The following NOG variants were observed in gnomAD, a reference collection of about 807,000 sequenced individuals.
The protein encoded by NOG is noggin.
Under a neutral mutation model 17.9 loss-of-function variants are expected in NOG, and 2 were observed. The observed-to-expected ratio is 0.11, with a 90% CI of 0.05 to 0.35. NOG has a LOEUF of 0.35. Among genes scored for constraint, NOG ranks in the 10% least tolerant of loss-of-function variants. NOG has a pLI of 1.00. For synonymous variants in NOG, 166 were observed against 148.7 expected (o/e 1.12, Z -0.85); for missense variants, 266 against 318.6 (o/e 0.83, Z 1.26).
In NOG at chr17:56,594,607, C is replaced by T. The variant is rs562364308; in HGVS notation, c.384C>T (p.Gly128=). ...SEIKGLEFSE[G]LAQGKKQRLS... ...TCAAAGGGCTAGAGTTCTCCGAGGG[C>T]TTGGCCCAGGGCAAGAAGCAGCGCC... is the stretch of plus-strand genomic sequence containing the variant. The change falls in exon 1 of 1, where the codon GGC becomes GGT. Residue 128 remains glycine, a synonymous_variant. Coordinates refer to ENST00000332822, the MANE Select transcript of NOG (RefSeq NM_005450.6). 24 of 1,612,634 alleles carry T rather than the reference C, an allele frequency of 1.5e-5. No homozygotes were observed. The highest frequency in any genetic ancestry group is 2.0e-5 in the Non-Finnish European group (23 of 1,179,372).
rs1189179843 is a variant in NOG, at chr17:56,595,396, G to A, written c.*474G>A. 6.0e-6 allele frequency: 1 copy of A among 167,582 alleles called. No homozygotes were observed. Among genetic ancestry groups the A allele is most frequent in the Non-Finnish European group, 1.5e-5 (1 of 68,476 alleles). 10.4% of individuals were successfully genotyped at this position (167,582 alleles called of 1,614,324 possible). A position where few individuals can be genotyped will look rare whatever the true frequency, so the allele number is the denominator to read the frequency against. On this transcript the variant is annotated 3_prime_UTR_variant, in exon 1 of 1. Transcript: ENST00000332822. ...AACTTTTGTAGAGGACTTTTTAAAA[G>A]CTATTTTCCATTCTTCGGAAAGTGT...
chr17:56,594,813 C>T lies in NOG; in HGVS notation c.590C>T (p.Ser197Phe). ...GGCATGGTGTGCAAGCCGTCCAAGT[C>T]CGTGCACCTCACGGTGCTGCGGTGG... ...PEGMVCKPSK[S>F]VHLTVLRWRC... The change falls in exon 1 of 1, where the codon TCC (serine) becomes TTC (phenylalanine). Residue 197 changes from serine to phenylalanine, a missense_variant. Physicochemically the swap from Ser to Phe is radical, Grantham distance 155. Coordinates refer to ENST00000332822, the MANE Select transcript of NOG (RefSeq NM_005450.6). 1 of 1,612,412 alleles carries T rather than the reference C, an allele frequency of 6.2e-7. No individual in the cohort carries two copies. The highest frequency in any genetic ancestry group is 8.5e-7 in the Non-Finnish European group (1 of 1,179,082).
chr17:56,594,566 G>T lies in NOG; in HGVS notation c.343G>T (p.Ala115Ser), dbSNP rs779513643. Residue 115 changes from alanine (A) to serine (S), a missense_variant, in exon 1 of 1, where the codon GCC becomes TCC. Physicochemically the swap from Ala to Ser is moderately conservative, Grantham distance 99. This residue lies in a region of NOG where 192 missense variants were observed against 197.6 expected (regional missense o/e 0.97). Coordinates refer to ENST00000332822, the MANE Select transcript of NOG (RefSeq NM_005450.6). ...DQLLRQRPSG[A>S]MPSEIKGLEF... ...GCTGCTGCGGCAGCGGCCGTCGGGG[G>T]CCATGCCGAGCGAGATCAAAGGGCT... 1.5e-5 allele frequency: 24 copies of T among 1,595,914 alleles called. No homozygotes were observed. The highest frequency in any genetic ancestry group is 1.9e-5 in the Non-Finnish European group (22 of 1,171,012).
At position 56,595,030 on chromosome 17, in the gene NOG, ACTT is replaced by A; in HGVS notation, c.*109_*111del. The A allele has an allele frequency of 1.7e-5, 8 of 473,366 alleles. No homozygotes were observed. The highest frequency in any genetic ancestry group is 3.8e-5 in the East Asian group (1 of 26,430). The allele number at this position is 473,366 out of a possible 1,614,324, so 29.3% of individuals were successfully genotyped here. A position where few individuals can be genotyped will look rare whatever the true frequency, so the allele number is the denominator to read the frequency against. On this transcript the variant is annotated 3_prime_UTR_variant, in exon 1 of 1. Transcript: ENST00000332822. The stretch of plus-strand genomic sequence containing the variant: ...ACCCTCTAGCGAGGGTTTTCAATGA[ACTT>A]TTTTTTTTTTTTTTTTTTTTTTTTC...
In NOG at chr17:56,594,088, C is replaced by T. The variant is rs1353697097; in HGVS notation, c.-136C>T. 9.4e-6 allele frequency: 6 copies of T among 638,634 alleles called. No homozygotes were observed. The highest frequency in any genetic ancestry group is 1.5e-5 in the Non-Finnish European group (6 of 410,582). 39.6% of individuals were successfully genotyped at this position (638,634 alleles called of 1,614,324 possible). A position where few individuals can be genotyped will look rare whatever the true frequency, so the allele number is the denominator to read the frequency against. ...CGAAGGGCTCTCCCGGCGGCTCATG[C>T]TGCCGGCCCTGCGCCTGCCCAGCCT... On this transcript the variant is annotated 5_prime_UTR_variant, in exon 1 of 1. Transcript: ENST00000332822.
chr17:56,595,408 T>G lies in NOG; in HGVS notation c.*486T>G, dbSNP rs1020359604. 1 of 167,436 alleles carries G rather than the reference T, an allele frequency of 6.0e-6. No individual in the cohort carries two copies. Among genetic ancestry groups the G allele is most frequent in the Admixed American group, 6.5e-5 (1 of 15,300 alleles). The allele number at this position is 167,436 out of a possible 1,614,324, so 10.4% of individuals were successfully genotyped here. On this transcript the variant is annotated 3_prime_UTR_variant, in exon 1 of 1. Transcript: ENST00000332822. ...GGACTTTTTAAAAGCTATTTTCCAT[T>G]CTTCGGAAAGTGTTTTGGTTTTCCT...
chr17:56,593,749 C>A lies in NOG; in HGVS notation c.-475C>A. On this transcript the variant is annotated 5_prime_UTR_variant, in exon 1 of 1. Coordinates refer to ENST00000332822, the MANE Select transcript of NOG (RefSeq NM_005450.6). ...CCGCCGCCGCCGCCGCCGCTGGAGTCCGCCGGGCAGAGCCGGCCGCGGAGC... is the reference window on the plus strand; with the variant it reads ...CCGCCGCCGCCGCCGCCGCTGGAGTACGCCGGGCAGAGCCGGCCGCGGAGC... The A allele has an allele frequency of 5.5e-6, 1 of 181,880 alleles. No homozygotes were observed. The highest frequency in any genetic ancestry group is 1.1e-5 in the Non-Finnish European group (1 of 89,608). 11.3% of individuals were successfully genotyped at this position (181,880 alleles called of 1,614,324 possible). A position where few individuals can be genotyped will look rare whatever the true frequency, so the allele number is the denominator to read the frequency against.
Position 56,594,422 on chromosome 17 carries a change from C to T in NOG, c.199C>T (p.Arg67Cys). The T allele has an allele frequency of 6.2e-7, 1 of 1,613,182 alleles. No homozygotes were observed. The highest frequency in any genetic ancestry group is 8.5e-7 in the Non-Finnish European group (1 of 1,179,772). Reference protein sequence around the residue: ...KEKDLNETLLRSLLGGHYDPG... With the variant: ...KEKDLNETLLCSLLGGHYDPG... ...AAAGGATCTGAACGAGACGCTGCTGCGCTCGCTGCTCGGGGGCCACTACGA... is the reference window on the plus strand; with the variant it reads ...AAAGGATCTGAACGAGACGCTGCTGTGCTCGCTGCTCGGGGGCCACTACGA... Residue 67 changes from arginine to cysteine, a missense_variant, in exon 1 of 1, where the codon CGC becomes TGC. Physicochemically the swap from Arg to Cys is radical, Grantham distance 180. Transcript: ENST00000332822.
In NOG at chr17:56,595,509, A is replaced by C. The variant is rs1420104153; in HGVS notation, c.*587A>C. On this transcript the variant is annotated 3_prime_UTR_variant, in exon 1 of 1. Coordinates refer to ENST00000332822, the MANE Select transcript of NOG (RefSeq NM_005450.6). ...ATATAGAGAACAAATGGAATGACTA[A>C]TCATTGTAAATTAAGAGTATCTGCT... 6.0e-6 allele frequency: 1 copy of C among 167,140 alleles called. No individual in the cohort carries two copies. The highest frequency in any genetic ancestry group is 1.5e-5 in the Non-Finnish European group (1 of 68,134). The allele number at this position is 167,140 out of a possible 1,614,324, so 10.4% of individuals were successfully genotyped here.
At position 56,594,655 on chromosome 17, in the gene NOG, G is replaced by A. The variant is rs1392846888; in HGVS notation, c.432G>A (p.Lys144=). 3 of 1,614,090 alleles carry A rather than the reference G, an allele frequency of 1.9e-6. No individual in the cohort carries two copies. The highest frequency in any genetic ancestry group is 1.7e-6 in the Non-Finnish European group (2 of 1,179,966). The change falls in exon 1 of 1, where the codon AAG becomes AAA. Residue 144 remains lysine (K), a synonymous_variant. Transcript: ENST00000332822. ...KQRLSKKLRR[K]LQMWLWSQTF... The stretch of plus-strand genomic sequence containing the variant: ...GCCTAAGCAAGAAGCTGCGGAGGAA[G>A]TTACAGATGTGGCTGTGGTCGCAGA...
chr17:56,594,542 C>T lies in NOG; in HGVS notation c.319C>T (p.Leu107=). 6.3e-7 allele frequency: 1 copy of T among 1,597,600 alleles called. No individual in the cohort carries two copies. The highest frequency in any genetic ancestry group is 8.5e-7 in the Non-Finnish European group (1 of 1,171,122). Residue 107 remains leucine (L), a synonymous_variant, in exon 1 of 1, where the codon CTG becomes TTG. Transcript: ENST00000332822. The part of the protein sequence containing the change: ...GAEDLAELDQ[L]LRQRPSGAMP... Reference sequence around the variant, plus strand: ...GGAGGACCTGGCGGAGCTGGACCAGCTGCTGCGGCAGCGGCCGTCGGGGGC... The same window carrying T: ...GGAGGACCTGGCGGAGCTGGACCAGTTGCTGCGGCAGCGGCCGTCGGGGGC...
chr17:56,594,617 G>A lies in NOG; in HGVS notation c.394G>A (p.Gly132Ser), dbSNP rs2052470497. 2 of 1,613,206 alleles carry A rather than the reference G, an allele frequency of 1.2e-6. No individual in the cohort carries two copies. The highest frequency in any genetic ancestry group is 1.7e-5 in the Admixed American group (1 of 59,948). ...AGAGTTCTCCGAGGGCTTGGCCCAG[G>A]GCAAGAAGCAGCGCCTAAGCAAGAA... ...GLEFSEGLAQ[G>S]KKQRLSKKLR... Residue 132 changes from glycine (G) to serine (S), a missense_variant, in exon 1 of 1, where the codon GGC becomes AGC. Around this residue, in one of 2 missense-constraint regions of NOG, gnomAD observed 192 missense variants for 197.6 expected, o/e 0.97. Coordinates refer to ENST00000332822, the MANE Select transcript of NOG (RefSeq NM_005450.6).
rs777801026 is a variant in NOG, at chr17:56,594,178, C to T, written c.-46C>T. The T allele has an allele frequency of 1.3e-6, 2 of 1,506,660 alleles. No individual in the cohort carries two copies. The highest frequency in any genetic ancestry group is 1.2e-5 in the South Asian group (1 of 82,856). 93.3% of individuals were successfully genotyped at this position (1,506,660 alleles called of 1,614,324 possible). On this transcript the variant is annotated 5_prime_UTR_variant, in exon 1 of 1. Transcript: ENST00000332822. The stretch of plus-strand genomic sequence containing the variant: ...CGCCGCGGGCTCGGCGTGCTCTCCT[C>T]CGGGGACGCGGGACGAAGCAGCAGC...
In NOG at chr17:56,593,955, G is replaced by T. The variant is rs1047732864; in HGVS notation, c.-269G>T. ...CCTCCCGCGCCCCGCGGTCGCCCTG[G>T]AGTAATTTCGGATGCCCAGCCGCGG... On this transcript the variant is annotated 5_prime_UTR_variant, in exon 1 of 1. Transcript: ENST00000332822. 9.6e-6 allele frequency: 4 copies of T among 414,600 alleles called. No individual in the cohort carries two copies. The highest frequency in any genetic ancestry group is 2.1e-5 in the African/African-American group (1 of 47,484). The allele number at this position is 414,600 out of a possible 1,614,324, so 25.7% of individuals were successfully genotyped here. A position where few individuals can be genotyped will look rare whatever the true frequency, so the allele number is the denominator to read the frequency against.
Position 56,594,966 on chromosome 17 carries a change from C to A in NOG, c.*44C>A. 7.1e-7 allele frequency: 1 copy of A among 1,412,368 alleles called. No homozygotes were observed. The highest frequency in any genetic ancestry group is 9.8e-7 in the Non-Finnish European group (1 of 1,020,072). 87.5% of individuals were successfully genotyped at this position (1,412,368 alleles called of 1,614,324 possible). On this transcript the variant is annotated 3_prime_UTR_variant, in exon 1 of 1. Coordinates refer to ENST00000332822, the MANE Select transcript of NOG (RefSeq NM_005450.6). ...CCGCACCCGGACACTTGATCGATCC[C>A]CACCGACGCCCCCTGCACCGCCTCC...
Position 56,594,016 on chromosome 17 carries a change from G to A in NOG, c.-208G>A, listed in dbSNP as rs996720314. The A allele has an allele frequency of 2.8e-5, 13 of 464,322 alleles. No individual in the cohort carries two copies. Among genetic ancestry groups the A allele is most frequent in the Non-Finnish European group, 4.8e-5 (13 of 268,828 alleles). 28.8% of individuals were successfully genotyped at this position (464,322 alleles called of 1,614,324 possible). On this transcript the variant is annotated 5_prime_UTR_variant, in exon 1 of 1. Transcript: ENST00000332822. Reference sequence around the variant, plus strand: ...CAGTAGACCCGGGAGAGGAGTTGCGGCCAACTTGTGTGCCTTTCTTCCGCC... The same window carrying A: ...CAGTAGACCCGGGAGAGGAGTTGCGACCAACTTGTGTGCCTTTCTTCCGCC...
rs544092623 is a variant in NOG, at chr17:56,593,877, C to A, written c.-347C>A. The stretch of plus-strand genomic sequence containing the variant: ...GCGAGAGGAGGAGGGGAGAGCGGCT[C>A]GTCCACGCGCCCTGCGCCGCCGCCG... On this transcript the variant is annotated 5_prime_UTR_variant, in exon 1 of 1. Coordinates refer to ENST00000332822, the MANE Select transcript of NOG (RefSeq NM_005450.6). 7.0e-6 allele frequency: 2 copies of A among 285,164 alleles called. No individual in the cohort carries two copies. The highest frequency in any genetic ancestry group is 1.6e-4 in the East Asian group (2 of 12,288). The allele number at this position is 285,164 out of a possible 1,614,324, so 17.7% of individuals were successfully genotyped here.
Position 56,594,600 on chromosome 17 carries a change from C to T in NOG, c.377C>T (p.Ser126Phe). ...MPSEIKGLEF[S>F]EGLAQGKKQR... ...AGCGAGATCAAAGGGCTAGAGTTCT[C>T]CGAGGGCTTGGCCCAGGGCAAGAAG... The change falls in exon 1 of 1, where the codon TCC becomes TTC. Residue 126 changes from serine (S) to phenylalanine (F), a missense_variant. Around this residue, in one of 2 missense-constraint regions of NOG, gnomAD observed 192 missense variants for 197.6 expected, o/e 0.97. Coordinates refer to ENST00000332822, the MANE Select transcript of NOG (RefSeq NM_005450.6). The T allele has an allele frequency of 6.2e-7, 1 of 1,611,518 alleles. No homozygotes were observed. Among genetic ancestry groups the T allele is most frequent in the Non-Finnish European group, 8.5e-7 (1 of 1,178,928 alleles).
In NOG at chr17:56,594,964, C is replaced by T. The variant is rs1486832653; in HGVS notation, c.*42C>T. 1 of 1,432,714 alleles carries T rather than the reference C, an allele frequency of 7.0e-7. No individual in the cohort carries two copies. The highest frequency in any genetic ancestry group is 1.2e-5 in the South Asian group (1 of 81,612). 88.8% of individuals were successfully genotyped at this position (1,432,714 alleles called of 1,614,324 possible). ...GCCCGCACCCGGACACTTGATCGAT[C>T]CCCACCGACGCCCCCTGCACCGCCT... On this transcript the variant is annotated 3_prime_UTR_variant, in exon 1 of 1. Transcript: ENST00000332822.
Sources: allele counts gnomAD v4.1 joint callset, GRCh38; gene constraint gnomAD v4.1.1; regional missense constraint gnomAD v4.1.1; transcripts MANE v1.5; gene names NCBI Gene and HGNC (gene_info 2026-07-23, HGNC 2026-07-21).